Variants in DHRSX observed in about 807,000 individuals in gnomAD.
DHRSX encodes the protein polyprenol dehydrogenase.
A neutral mutation model predicts 34.0 loss-of-function variants in DHRSX; 31 were observed. The ratio of observed to expected loss-of-function variants is 0.91; its 90% CI spans 0.69 to 1.23. DHRSX has a LOEUF of 1.23. Among genes scored for constraint, DHRSX ranks in the 50% most tolerant of loss-of-function variants. DHRSX has a pLI of 0.00. For missense variants in DHRSX, 414 were observed against 428.1 expected, an observed-to-expected ratio of 0.97 and a Z score of 0.29; for synonymous variants, 201 against 183.8, an observed-to-expected ratio of 1.09 and a Z score of -0.76.
intron 1 of DHRSX, among the ~76,000 whole-genome samples, chrX:2,458,109 G>C (rs5982953): frequency 0.23 from 34,806 of 151,708 alleles, 4,452 homozygotes; most frequent in African/African-American, 0.32. Flanking sequence ...AAGACATTCG[G>C]GAAGAATGTG....
chrX:2,267,220 G>A (rs1214045405), intron 4 of DHRSX, among the ~76,000 whole-genome samples: 2 of 152,142 alleles, frequency 1.3e-5, no homozygotes, highest in Non-Finnish European at 2.9e-5. Context: ...GGTGGCTCAC[G>A]CCTGTCATCC....
intron 3 of DHRSX, among the ~76,000 whole-genome samples, chrX:2,384,941 A>G (rs1178180841): frequency 5.4e-5 from 8 of 147,594 alleles, no homozygotes; most frequent in South Asian, 2.3e-4. Context: ...AAAAAAAAAA[A>G]GAAAAAAAAA....
chrX:2,350,015 G>A (rs972434642), intron 3 of DHRSX, among the ~76,000 whole-genome samples: 4 of 151,728 alleles, frequency 2.6e-5, no homozygotes, highest in Non-Finnish European at 5.9e-5. Flanking sequence ...CTCCAGCCTG[G>A]GCGACAGAGA....
In DHRSX at chrX:2,331,436, G is replaced by GTTTTTTTTTTTT. The variant is rs1159991841; in HGVS notation, c.287-39845_287-39834dup. 3.1e-3 allele frequency among the ~76,000 whole-genome samples: 294 copies of GTTTTTTTTTTTT among 94,652 alleles called. 34 individuals are homozygous for GTTTTTTTTTTTT. Among genetic ancestry groups the GTTTTTTTTTTTT allele is most frequent in the Non-Finnish European group, 5.1e-3 (235 of 46,456 alleles). 62.1% of individuals were successfully genotyped at this position (94,652 alleles called of 152,430 possible). A position where few individuals can be genotyped will look rare whatever the true frequency, so the allele number is the denominator to read the frequency against. ...GGAATCCTTTCAGGAAGGTTTTTTG[G>GTTTTTTTTTTTT]TTTTTTTTTTTTTTTTTTTTTTTTT... On this transcript the variant is annotated intron_variant, in intron 3 of 6. Coordinates refer to ENST00000334651, the MANE Select transcript of DHRSX (RefSeq NM_145177.3).
chrX:2,325,652 C>T (rs1006281882), intron 3 of DHRSX, among the ~76,000 whole-genome samples: 2 of 151,746 alleles, frequency 1.3e-5, no homozygotes, highest in Non-Finnish European at 2.9e-5. Context: ...ACTACAAAGC[C>T]CATTTGCATA....
intron 2 of DHRSX, among the ~76,000 whole-genome samples, chrX:2,421,448 A>G (rs1056050620): frequency 6.6e-6 from 1 of 152,202 alleles, no homozygotes; most frequent in African/African-American, 2.4e-5. Flanking sequence ...GTTTTGCAAA[A>G]GCCAAAAAGG....
chrX:2,408,698 A>C, intron 3 of DHRSX, 47 bp downstream of exon 3: 2 of 1,510,262 alleles, frequency 1.3e-6, no homozygotes, highest in South Asian at 2.4e-5. Flanking sequence ...GACCTGTCCC[A>C]AGGAAAAAAA....
intron 3 of DHRSX, among the ~76,000 whole-genome samples, chrX:2,329,443 G>C (rs2042430198): frequency 6.6e-6 from 1 of 152,124 alleles, no homozygotes; most frequent in Non-Finnish European, 1.5e-5. Context: ...GTTTCTCGAA[G>C]CTGGGCCCAT....
chrX:2,271,382 C>G (rs777613175), intron 4 of DHRSX, among the ~76,000 whole-genome samples: 1 of 152,330 alleles, frequency 6.6e-6, no homozygotes, highest in Non-Finnish European at 1.5e-5. Context: ...AGGGGAGAGG[C>G]ACCACCATGC....
intron 3 of DHRSX, among the ~76,000 whole-genome samples, chrX:2,320,339 G>A (rs972254393): frequency 2.1e-5 from 2 of 95,018 alleles, no homozygotes; most frequent in East Asian, 3.4e-4. Flanking sequence ...CTGTCACCCA[G>A]GCTGGACTGC....
intron 1 of DHRSX, among the ~76,000 whole-genome samples, chrX:2,467,566 A>G (rs1202662211): frequency 6.6e-6 from 1 of 152,174 alleles, no homozygotes; most frequent in Non-Finnish European, 1.5e-5. Flanking sequence ...AAAAACCAGA[A>G]CAAGAGACAG....
chrX:2,495,176 A>T (rs1047369095), intron 1 of DHRSX, among the ~76,000 whole-genome samples: 10 of 151,018 alleles, frequency 6.6e-5, no homozygotes, highest in South Asian at 2.1e-4. Flanking sequence ...AAGTCACAGT[A>T]CCCTGAACAA....
chrX:2,439,411 C>CTCG (rs1461825363), intron 1 of DHRSX, among the ~76,000 whole-genome samples: 3 of 152,124 alleles, frequency 2.0e-5, no homozygotes, highest in Non-Finnish European at 4.4e-5. Context: ...TCAATCCATA[C>CTCG]TCTGACAAGT....
intron 3 of DHRSX, among the ~76,000 whole-genome samples, chrX:2,303,111 CAA>C (rs1479448333): frequency 6.6e-6 from 1 of 151,976 alleles, no homozygotes; most frequent in African/African-American, 2.4e-5. Context: ...GCTGAGCTTC[CAA>C]AAACAGCAGT....
At chrX:2,423,857 T>C (rs1282212106) in intron 2 of DHRSX, among the ~76,000 whole-genome samples, 2 of 152,054 alleles carry the variant, frequency 1.3e-5, no homozygotes, top group African/African-American at 2.4e-5. Flanking sequence ...GAGATCACGA[T>C]AAGCTTTTAG....
intron 3 of DHRSX, among the ~76,000 whole-genome samples, chrX:2,335,075 T>C (rs2042537573): frequency 6.6e-6 from 1 of 151,326 alleles, no homozygotes; most frequent in African/African-American, 2.4e-5. Context: ...ATCCCAGCTA[T>C]TGAGGAGGCT....
At chrX:2,327,606 G>A (rs933935969) in intron 3 of DHRSX, among the ~76,000 whole-genome samples, 1 of 152,162 alleles carries the variant, frequency 6.6e-6, no homozygotes, top group Non-Finnish European at 1.5e-5. Flanking sequence ...CAAAGTCACT[G>A]GAGTCTTAGA....
intron 5 of DHRSX, among the ~76,000 whole-genome samples, chrX:2,262,244 G>T (rs1355223190): frequency 2.0e-5 from 3 of 152,226 alleles, no homozygotes; most frequent in African/African-American, 7.2e-5. Flanking sequence ...GCCCTGAGCT[G>T]AGAAGAAGCC....
intron 3 of DHRSX, among the ~76,000 whole-genome samples, chrX:2,311,724 GA>G (rs2042167638): frequency 6.6e-6 from 1 of 152,188 alleles, no homozygotes; most frequent in African/African-American, 2.4e-5. Context: ...TGTCTCCAAG[GA>G]GGTAAATCGT....
Sources: allele counts gnomAD v4.1 joint callset (sites outside exome capture counted in the v4.1 genomes callset), GRCh38; gene constraint gnomAD v4.1.1; transcripts MANE v1.5; gene names NCBI Gene and HGNC (gene_info 2026-07-23, HGNC 2026-07-21).